LIFR: variants seen among roughly 807,000 people sequenced by gnomAD.
LIFR encodes LIF receptor subunit alpha.
In LIFR, 84 loss-of-function variants were observed where a neutral mutation model predicts 122.2. The observed-to-expected ratio is 0.69, with a 90% CI of 0.58 to 0.82. The LOEUF (loss-of-function observed/expected upper bound fraction) is 0.82. LIFR is among the 40% of genes least tolerant of loss of function. LIFR has a pLI of 0.00. For synonymous variants in LIFR, 422 were observed against 434.7 expected (o/e 0.97, Z 0.36); for missense variants, 1,294 against 1,311.6 (o/e 0.99, Z 0.21).
At chr5:38,594,130 G>T (rs549862628) in intron 1 of LIFR, among the ~76,000 whole-genome samples, 2 of 152,238 alleles carry the variant, frequency 1.3e-5, no homozygotes, top group South Asian at 4.2e-4. Context: ...AAACCTTTGC[G>T]CATGTTTTTT....
intron 1 of LIFR, among the ~76,000 whole-genome samples, chr5:38,539,876 T>C (rs1747493168): frequency 6.6e-6 from 1 of 152,218 alleles, no homozygotes; most frequent in African/African-American, 2.4e-5. Context: ...CAGCCACTTT[T>C]CTAAGTTCTT....
In LIFR at chr5:38,482,628, T is replaced by C; in HGVS notation, c.2631A>G (p.Glu877=). The C allele has an allele frequency of 6.7e-7, 1 of 1,501,498 alleles. No individual in the cohort carries two copies. The highest frequency in any genetic ancestry group is 1.3e-5 in the South Asian group (1 of 76,034). 93.0% of individuals were successfully genotyped at this position (1,501,498 alleles called of 1,614,324 possible). The change falls in exon 19 of 20, where the codon GAA becomes GAG. Residue 877 remains glutamate (E), a synonymous_variant. Coordinates refer to ENST00000453190, the MANE Select transcript of LIFR (RefSeq NM_001127671.2). ...TTTGAAACTGTAATGCTTTACAGTT[T>C]TCTGGATTTGGAATATCAGGGTAGA... ...ETFYPDIPNP[E]NCKALQFQKS...
chr5:38,549,544 G>A (rs894445605), intron 1 of LIFR, among the ~76,000 whole-genome samples: 4 of 152,298 alleles, frequency 2.6e-5, no homozygotes, highest in Non-Finnish European at 4.4e-5. Flanking sequence ...TGTAATCCCA[G>A]CACTTTGGGA....
At chr5:38,559,901 T>C (rs1748767966), upstream of LIFR, among the ~76,000 whole-genome samples, 1 of 152,260 alleles carries the variant, frequency 6.6e-6, no homozygotes, top group Admixed American at 6.5e-5. Context: ...TAAATGCTAT[T>C]GCATTTGAAA....
intron 7 of LIFR, among the ~76,000 whole-genome samples, chr5:38,509,945 G>A (rs139361074): frequency 2.0e-4 from 30 of 152,238 alleles, no homozygotes; most frequent in African/African-American, 6.3e-4. Flanking sequence ...TATATAGAAC[G>A]CAGTGGGAGA....
chr5:38,511,278 C>T (rs2112496165), intron 6 of LIFR, among the ~76,000 whole-genome samples: 1 of 152,214 alleles, frequency 6.6e-6, no homozygotes, highest in South Asian at 2.1e-4. Flanking sequence ...CAATGACTAC[C>T]AGCCTTTCAG....
At chr5:38,591,855 C>T (rs939909399) in intron 1 of LIFR, among the ~76,000 whole-genome samples, 2 of 152,084 alleles carry the variant, frequency 1.3e-5, no homozygotes, top group Non-Finnish European at 2.9e-5. Context: ...CTGTGTTTGA[C>T]CTAAAGAGCA....
In LIFR at chr5:38,506,010, A is replaced by C. The variant is rs375133322; in HGVS notation, c.1186T>G (p.Leu396Val). Residue 396 changes from leucine (L) to valine (V), a missense_variant, in exon 9 of 20, where the codon TTA (leucine) becomes GTA (valine). Leu to Val is a conservative substitution (Grantham distance 32). Coordinates refer to ENST00000453190, the MANE Select transcript of LIFR (RefSeq NM_001127671.2). Reference protein sequence around the residue: ...EAPTNESYQLLFQMLPNQEIY... With the variant: ...EAPTNESYQLVFQMLPNQEIY... ...TCTTGATTTGGAAGCATTTGAAATA[A>C]TAATTGATAGCTTTCGTTTGTAGGT... The C allele has an allele frequency of 6.2e-7, 1 of 1,608,536 alleles. No homozygotes were observed.
rs767207879 is a variant in LIFR, at chr5:38,502,668, G to A, written c.1569C>T (p.Ser523=). ...CTGTTGTTAAATGTTGTTTTTTATTGCTCCATTTGCTCCATTTCCAGAAAG... is the reference window on the plus strand; with the variant it reads ...CTGTTGTTAAATGTTGTTTTTTATTACTCCATTTGCTCCATTTCCAGAAAG... ...TETFWKWSKW[S]NKKQHLTTEA... is the part of the protein sequence containing the mutation. The change falls in exon 11 of 20, where the codon AGC becomes AGT. Residue 523 remains serine, a synonymous_variant. Transcript: ENST00000453190. The A allele has an allele frequency of 1.2e-6, 2 of 1,613,044 alleles. No homozygotes were observed. Among genetic ancestry groups the A allele is most frequent in the Non-Finnish European group, 8.5e-7 (1 of 1,179,420 alleles).
At chr5:38,499,372 A>T in intron 12 of LIFR, 141 bp downstream of exon 12, 1 of 661,964 alleles carries the variant, frequency 1.5e-6, no homozygotes. Context: ...TGGGGGGTTT[A>T]GGAACCAGGT....
At chr5:38,491,294 A>C (rs935652874) in intron 14 of LIFR, among the ~76,000 whole-genome samples, 2 of 152,226 alleles carry the variant, frequency 1.3e-5, no homozygotes, top group Non-Finnish European at 2.9e-5. Context: ...AGCAACACAG[A>C]CATGCACAAA....
chr5:38,485,714 A>T, intron 17 of LIFR, 105 bp downstream of exon 17: 1 of 1,297,286 alleles, frequency 7.7e-7, no homozygotes, highest in Non-Finnish European at 1.1e-6. Flanking sequence ...ACAAAATGTG[A>T]ATGTTTTTTA....
rs566756051 is a variant in LIFR at position 38,495,963 on chromosome 5, T to C, written c.1885+419A>G. ...AGGAATTTCTTATCAAAAAAGGTGC[T>C]AATTAAAATAAGCGTTTTTTTTTTT... On this transcript the variant is annotated intron_variant, in intron 13 of 19. Coordinates refer to ENST00000453190, the MANE Select transcript of LIFR (RefSeq NM_001127671.2). 2.2e-4 allele frequency among the ~76,000 whole-genome samples: 34 copies of C among 152,054 alleles called. No homozygotes were observed. The South Asian group carries it at 7.1e-3, about 32-fold the overall frequency.
At position 38,533,560 on chromosome 5, in the gene LIFR, T is replaced by C. The variant is rs547264509; in HGVS notation, c.-19-2894A>G. On this transcript the variant is annotated intron_variant, in intron 1 of 19. Transcript: ENST00000453190. ...TTCTGGTTCCAGTGTACATGAGGTT[T>C]AGGGCTTTTCTGCCGAAGAAAATTA... Among the ~76,000 whole-genome samples, 72 of 152,326 alleles carry C rather than the reference T, an allele frequency of 4.7e-4. 1 individual carries two copies. The highest frequency in any genetic ancestry group is 1.7e-3 in the African/African-American group (71 of 41,576).
intron 13 of LIFR, among the ~76,000 whole-genome samples, chr5:38,495,532 G>A (rs556619648): frequency 4.1e-4 from 62 of 152,226 alleles, no homozygotes; most frequent in African/African-American, 1.5e-3. Flanking sequence ...CTGACTCAAA[G>A]AGAACAAAGA....
chr5:38,484,708 T>C, intron 18 of LIFR, 67 bp downstream of exon 18: 1 of 1,034,266 alleles, frequency 9.7e-7, no homozygotes, highest in Non-Finnish European at 1.5e-6. Flanking sequence ...ATACATAAAC[T>C]AATCTTACAA....
intron 4 of LIFR, 150 bp downstream of exon 4, chr5:38,527,005 C>G: frequency 1.4e-6 from 1 of 691,020 alleles, no homozygotes. Context: ...TCCTTCTGAT[C>G]TTGGCTACCA....
At chr5:38,525,568 G>A (rs989300006) in intron 4 of LIFR, among the ~76,000 whole-genome samples, 2 of 152,176 alleles carry the variant, frequency 1.3e-5, no homozygotes, top group Non-Finnish European at 2.9e-5. Flanking sequence ...AGTGTTTAGG[G>A]CTGTACAGGA....
intron 1 of LIFR, among the ~76,000 whole-genome samples, chr5:38,544,189 T>C (rs1747746520): frequency 6.6e-6 from 1 of 152,024 alleles, no homozygotes; most frequent in African/African-American, 2.4e-5. Flanking sequence ...TCTGAAGTGG[T>C]CCTCTTGTTT....
Sources: allele counts gnomAD v4.1 joint callset (sites outside exome capture counted in the v4.1 genomes callset), GRCh38; gene constraint gnomAD v4.1.1; transcripts MANE v1.5; gene names NCBI Gene and HGNC (gene_info 2026-07-23, HGNC 2026-07-21).